Variants in HIVEP3 observed in about 807,000 individuals in gnomAD.
The protein encoded by HIVEP3 is transcription factor HIVEP3.
Under a neutral mutation model 152.8 loss-of-function variants are expected in HIVEP3, and 49 were observed. That is an observed-to-expected ratio of 0.32 (90% confidence interval 0.26 to 0.41). The LOEUF (loss-of-function observed/expected upper bound fraction) is 0.41, where lower values mean the gene tolerates loss of function less well. HIVEP3 is among the 10% of genes least tolerant of loss of function. The pLI is 1.00. For missense variants in HIVEP3, 2,790 were observed against 3,103.3 expected, an observed-to-expected ratio of 0.90 and a Z score of 2.40; for synonymous variants, 1,269 against 1,289.0, an observed-to-expected ratio of 0.98 and a Z score of 0.33.
At chr1:41,781,559 G>A (rs1309028626) in intron 1 of HIVEP3, among the ~76,000 whole-genome samples, 3 of 152,198 alleles carry the variant, frequency 2.0e-5, no homozygotes, top group African/African-American at 7.2e-5. Context: ...TGGCCTTCTA[G>A]CTGGAGTCTT....
At chr1:41,558,199 C>A (rs988318567) in intron 5 of HIVEP3, among the ~76,000 whole-genome samples, 1 of 152,166 alleles carries the variant, frequency 6.6e-6, no homozygotes, top group Non-Finnish European at 1.5e-5. Flanking sequence ...TGATGCCCCC[C>A]GGCCCAGGCA....
At chr1:41,695,758 A>G (rs1293474194) in intron 2 of HIVEP3, among the ~76,000 whole-genome samples, 1 of 152,226 alleles carries the variant, frequency 6.6e-6, no homozygotes, top group Non-Finnish European at 1.5e-5. Flanking sequence ...GTGCTTTAGA[A>G]ACAGACCAAC....
intron 1 of HIVEP3, among the ~76,000 whole-genome samples, chr1:41,741,308 AC>A (rs1646993098): frequency 6.6e-6 from 1 of 152,174 alleles, no homozygotes. Flanking sequence ...GAGCAATGGA[AC>A]CAAGAGGCAG....
At chr1:41,696,990 G>A (rs1646286473) in intron 2 of HIVEP3, among the ~76,000 whole-genome samples, 1 of 152,156 alleles carries the variant, frequency 6.6e-6, no homozygotes, top group East Asian at 1.9e-4. Flanking sequence ...GTATATTTGT[G>A]TGTGTGAATA....
intron 1 of HIVEP3, among the ~76,000 whole-genome samples, chr1:41,849,792 G>T (rs113982277): frequency 6.6e-6 from 1 of 151,632 alleles, no homozygotes; most frequent in Non-Finnish European, 1.5e-5. Context: ...CTGGGTTCAA[G>T]CAATTCTCCT....
intron 1 of HIVEP3, among the ~76,000 whole-genome samples, chr1:41,999,043 A>C (rs762542135): frequency 6.6e-6 from 1 of 151,508 alleles, no homozygotes; most frequent in African/African-American, 2.4e-5. Context: ...CTACAGGTGC[A>C]TGCCACTACA....
Position 41,581,286 on chromosome 1 carries a change from A to C in HIVEP3, c.3512T>G (p.Leu1171Arg), listed in dbSNP as rs779786549. ...EFFSTQAMSS[L>R]LSSPYSMPPL... ...GGGCATGGAGTATGGTGAGGACAGG[A>C]GGCTGGACATGGCCTGGGTGGAGAA... is the stretch of plus-strand genomic sequence containing the variant. The change falls in exon 4 of 9, where the codon CTC becomes CGC. Residue 1171 changes from leucine to arginine, a missense_variant. By Grantham distance (102) the Leu-to-Arg change is moderately radical. Around this residue, in one of 9 missense-constraint regions of HIVEP3, gnomAD observed 1,078 missense variants for 1,165.3 expected, o/e 0.93. Transcript: ENST00000372583. The surrounding 1 kb of genome is among the most constrained non-coding windows in gnomAD (Gnocchi z 4.5). The C allele has an allele frequency of 2.5e-6, 4 of 1,610,458 alleles. No homozygotes were observed. The highest frequency in any genetic ancestry group is 1.1e-5 in the South Asian group (1 of 90,370).
At chr1:41,959,985 T>C (rs1173594265) in intron 1 of HIVEP3, among the ~76,000 whole-genome samples, 2 of 152,122 alleles carry the variant, frequency 1.3e-5, no homozygotes, top group African/African-American at 2.4e-5. Context: ...GGAATAGGTA[T>C]GATGTGATAC....
chr1:41,539,536 T>C (rs996868717), intron 5 of HIVEP3, among the ~76,000 whole-genome samples: 2 of 152,158 alleles, frequency 1.3e-5, no homozygotes, highest in Non-Finnish European at 2.9e-5. Flanking sequence ...GTCTCCTCTT[T>C]CCACTATTCC....
At position 41,581,562 on chromosome 1, in the gene HIVEP3, G is replaced by C; in HGVS notation, c.3236C>G (p.Pro1079Arg). ...SEEPQPSSSK[P>R]SAKSSLSQIS... ...CTGGGACAATGAGCTTTTGGCAGAG[G>C]GTTTACTGGATGAGGGCTGTGGTTC... Residue 1079 changes from proline (P) to arginine (R), a missense_variant, in exon 4 of 9, where the codon CCC becomes CGC. Around this residue, in one of 9 missense-constraint regions of HIVEP3, gnomAD observed 1,078 missense variants for 1,165.3 expected, o/e 0.93. Transcript: ENST00000372583. This position sits in a 1 kb window ranked among gnomAD's most constrained non-coding sequence, Gnocchi z 4.5. The C allele has an allele frequency of 1.2e-6, 2 of 1,608,940 alleles. No homozygotes were observed. The highest frequency in any genetic ancestry group is 1.7e-6 in the Non-Finnish European group (2 of 1,178,038).
At chr1:41,663,778 C>T (rs573735769) in intron 2 of HIVEP3, among the ~76,000 whole-genome samples, 5 of 152,282 alleles carry the variant, frequency 3.3e-5, no homozygotes, top group Admixed American at 2.6e-4. Flanking sequence ...TGCACACTCA[C>T]GTACACGATT....
rs113011628 is a variant in HIVEP3 at position 41,613,949 on chromosome 1, T to A, written c.-522+14800A>T. On this transcript the variant is annotated intron_variant, in intron 3 of 8. Transcript: ENST00000372583. ...TGTGTCTGGCTTCTTTCACTTAGCA[T>A]AACGTTTTTCATCATTTGCACTAAA... is the stretch of plus-strand genomic sequence containing the variant. 7.2e-5 allele frequency among the ~76,000 whole-genome samples: 11 copies of A among 152,370 alleles called. 1 individual carries two copies. Among genetic ancestry groups the A allele is most frequent in the African/African-American group, 2.6e-4 (11 of 41,592 alleles).
chr1:41,644,473 G>A (rs1264087248), intron 2 of HIVEP3, among the ~76,000 whole-genome samples: 2 of 152,138 alleles, frequency 1.3e-5, no homozygotes, highest in African/African-American at 4.8e-5. Context: ...TCCCTGTCAG[G>A]AGGTTGATTT....
chr1:41,779,459 T>C (rs1364206743), intron 1 of HIVEP3, among the ~76,000 whole-genome samples: 18 of 152,246 alleles, frequency 1.2e-4, no homozygotes, highest in Admixed American at 1.0e-3. Context: ...CAAATATTCA[T>C]GAAAAAATAT....
intron 1 of HIVEP3, among the ~76,000 whole-genome samples, chr1:41,775,629 TACAGGTGCTCAC>T (rs1403848401): frequency 6.6e-6 from 1 of 152,180 alleles, no homozygotes; most frequent in African/African-American, 2.4e-5. Flanking sequence ...TAGCTGGGAC[TACAGGTGCTCAC>T]CACCATGCCT....
intron 1 of HIVEP3, among the ~76,000 whole-genome samples, chr1:42,017,092 T>C (rs1456002690): frequency 6.6e-6 from 1 of 152,114 alleles, no homozygotes; most frequent in Non-Finnish European, 1.5e-5. Flanking sequence ...ACATAATACA[T>C]TATTATTTTA....
chr1:41,733,846 G>A (rs1646878050), intron 1 of HIVEP3, among the ~76,000 whole-genome samples: 1 of 152,152 alleles, frequency 6.6e-6, no homozygotes. Context: ...CCAGCCTCCA[G>A]CCCAGTCCTT....
chr1:41,607,825 T>C (rs778452249), intron 3 of HIVEP3, among the ~76,000 whole-genome samples: 1 of 152,240 alleles, frequency 6.6e-6, no homozygotes, highest in East Asian at 1.9e-4. Flanking sequence ...TAAGTGGCCA[T>C]GGCTGATATG....
At chr1:41,650,116 G>A (rs961217273) in intron 2 of HIVEP3, among the ~76,000 whole-genome samples, 1 of 152,108 alleles carries the variant, frequency 6.6e-6, no homozygotes, top group Non-Finnish European at 1.5e-5. Flanking sequence ...AAGGTGGCTA[G>A]AGGCTCCTTC....
Sources: allele counts gnomAD v4.1 joint callset (sites outside exome capture counted in the v4.1 genomes callset), GRCh38; gene constraint gnomAD v4.1.1; regional missense constraint gnomAD v4.1.1; non-coding constraint Gnocchi (gnomAD v3.1); transcripts MANE v1.5; gene names NCBI Gene and HGNC (gene_info 2026-07-23, HGNC 2026-07-21).